GABRG3: variants seen among roughly 807,000 people sequenced by gnomAD.
The protein encoded by GABRG3 is gamma-aminobutyric acid receptor subunit gamma-3.
A neutral mutation model predicts 48.8 loss-of-function variants in GABRG3; 25 were observed. That is an observed-to-expected ratio of 0.51 (90% confidence interval 0.37 to 0.72). GABRG3 has a LOEUF of 0.72. Ranked by LOEUF, GABRG3 falls within the 30% of genes least tolerant of loss-of-function variation. GABRG3 has a pLI of 0.00. For synonymous variants in GABRG3, 227 were observed against 217.6 expected, an observed-to-expected ratio of 1.04 and a Z score of -0.38; for missense variants, 394 against 577.9, an observed-to-expected ratio of 0.68 and a Z score of 3.26.
intron 3 of GABRG3, among the ~76,000 whole-genome samples, chr15:27,216,282 G>A (rs1378096): frequency 0.56 from 85,281 of 152,114 alleles, 24,798 homozygotes; most frequent in East Asian, 0.82. Context: ...ATGAGCGAAG[G>A]TGAAGTATAT....
At chr15:27,195,124 TTTCAGGAATTTC>T (rs1431864386) in intron 3 of GABRG3, among the ~76,000 whole-genome samples, 1 of 151,290 alleles carries the variant, frequency 6.6e-6, no homozygotes, top group Non-Finnish European at 1.5e-5. Flanking sequence ...TAGGAATTTC[TTTCAGGAATTTC>T]TTTCAAGAGA....
chr15:27,069,801 A>G (rs1211504361), intron 3 of GABRG3, among the ~76,000 whole-genome samples: 2 of 152,256 alleles, frequency 1.3e-5, no homozygotes, highest in African/African-American at 4.8e-5. Flanking sequence ...ATAAATACCC[A>G]TGTTGAAACA....
intron 3 of GABRG3, among the ~76,000 whole-genome samples, chr15:27,063,834 A>G (rs1896692915): frequency 6.6e-6 from 1 of 152,140 alleles, no homozygotes; most frequent in Admixed American, 6.5e-5. Context: ...TGAGCAACAC[A>G]AGCTGTTCTG....
intron 3 of GABRG3, among the ~76,000 whole-genome samples, chr15:27,132,752 G>T (rs1897942129): frequency 6.6e-6 from 1 of 150,752 alleles, no homozygotes; most frequent in Non-Finnish European, 1.5e-5. Flanking sequence ...TTTTTTCAAA[G>T]AATCAACTCT....
At chr15:27,458,506 G>C (rs1320154921) in intron 5 of GABRG3, among the ~76,000 whole-genome samples, 1 of 152,154 alleles carries the variant, frequency 6.6e-6, no homozygotes, top group Non-Finnish European at 1.5e-5. Context: ...AGCTCGTCAA[G>C]TCTGGAGAGG....
At chr15:27,462,784 AT>A (rs901913226) in intron 5 of GABRG3, among the ~76,000 whole-genome samples, 2 of 152,244 alleles carry the variant, frequency 1.3e-5, no homozygotes, top group Non-Finnish European at 2.9e-5. Flanking sequence ...CAAAACTGGC[AT>A]ACTATAATTC....
At chr15:27,062,285 A>T (rs907475902) in intron 3 of GABRG3, among the ~76,000 whole-genome samples, 1 of 151,556 alleles carries the variant, frequency 6.6e-6, no homozygotes, top group Admixed American at 6.6e-5. Context: ...TGGTGAGTTC[A>T]CCCTGACCAC....
intron 3 of GABRG3, among the ~76,000 whole-genome samples, chr15:27,248,833 G>GAGAC (rs1416915162): frequency 2.7e-5 from 4 of 149,520 alleles, no homozygotes; most frequent in Non-Finnish European, 5.9e-5. Flanking sequence ...GAGAGAGAGA[G>GAGAC]AGACAGAGAG....
At chr15:27,322,777 G>GCC (rs1893476211) in intron 3 of GABRG3, among the ~76,000 whole-genome samples, 1 of 152,182 alleles carries the variant, frequency 6.6e-6, no homozygotes, top group Admixed American at 6.5e-5. Flanking sequence ...CTCTGCTGCT[G>GCC]ATGCCCCTCT....
At chr15:27,322,518 A>G (rs1893464474) in intron 3 of GABRG3, among the ~76,000 whole-genome samples, 1 of 152,228 alleles carries the variant, frequency 6.6e-6, no homozygotes. Flanking sequence ...AAAGTAAGAT[A>G]GAGAAATGAG....
At chr15:27,121,661 G>A (rs1897734126) in intron 3 of GABRG3, among the ~76,000 whole-genome samples, 1 of 152,184 alleles carries the variant, frequency 6.6e-6, no homozygotes, top group African/African-American at 2.4e-5. Context: ...TATGTAATTT[G>A]CCCAAGGTCA....
intron 3 of GABRG3, among the ~76,000 whole-genome samples, chr15:27,142,145 A>G (rs1007006023): frequency 6.6e-6 from 1 of 152,214 alleles, no homozygotes; most frequent in Non-Finnish European, 1.5e-5. Flanking sequence ...TTAACTCATT[A>G]TATAAAATCT....
intron 5 of GABRG3, among the ~76,000 whole-genome samples, chr15:27,424,890 C>T (rs919734847): frequency 2.0e-5 from 3 of 152,122 alleles, no homozygotes; most frequent in Non-Finnish European, 4.4e-5. Flanking sequence ...TTGGTGATTA[C>T]ATTTCAGCGT....
chr15:27,199,374 A>G (rs1240268791), intron 3 of GABRG3, among the ~76,000 whole-genome samples: 2 of 152,150 alleles, frequency 1.3e-5, no homozygotes, highest in South Asian at 2.1e-4. Context: ...TTGATGGAGT[A>G]TGAGCGAAAG....
intron 5 of GABRG3, among the ~76,000 whole-genome samples, chr15:27,399,262 TG>T (rs1159339685): frequency 1.3e-5 from 2 of 152,086 alleles, no homozygotes; most frequent in Non-Finnish European, 2.9e-5. Context: ...GAAAACAAAA[TG>T]GAGTGATTCA....
intron 3 of GABRG3, among the ~76,000 whole-genome samples, chr15:27,089,117 T>A (rs1258276310): frequency 6.6e-6 from 1 of 152,032 alleles, no homozygotes; most frequent in Non-Finnish European, 1.5e-5. Context: ...GCTGGGGCCA[T>A]AGGGCAGGAA....
intron 3 of GABRG3, among the ~76,000 whole-genome samples, chr15:27,046,096 C>A (rs951896026): frequency 6.6e-6 from 1 of 151,752 alleles, no homozygotes; most frequent in Non-Finnish European, 1.5e-5. Context: ...TCTTTTTTTT[C>A]TTTTTTATTT....
chr15:27,089,299 C>T (rs1897145372), intron 3 of GABRG3, among the ~76,000 whole-genome samples: 1 of 152,118 alleles, frequency 6.6e-6, no homozygotes, highest in Non-Finnish European at 1.5e-5. Flanking sequence ...CGTCTGCAGG[C>T]AACTGGGAGG....
intron 6 of GABRG3, 69 bp downstream of exon 6, chr15:27,480,856 C>G: frequency 6.4e-7 from 1 of 1,565,052 alleles, no homozygotes; most frequent in Non-Finnish European, 8.6e-7. Context: ...GTAGTCATAT[C>G]CTTAATGTAC....
Sources: allele counts gnomAD v4.1 joint callset (sites outside exome capture counted in the v4.1 genomes callset), GRCh38; gene constraint gnomAD v4.1.1; transcripts MANE v1.5; gene names NCBI Gene and HGNC (gene_info 2026-07-23, HGNC 2026-07-21).